The following FNDC3B variants were observed in gnomAD, a reference collection of about 807,000 sequenced individuals.
FNDC3B encodes fibronectin type III domain-containing protein 3B.
FNDC3B carries 12 observed loss-of-function variants against 151.5 expected under a neutral mutation model. The observed-to-expected ratio is 0.08, with a 90% CI of 0.05 to 0.13. The LOEUF (loss-of-function observed/expected upper bound fraction) is 0.13. FNDC3B is among the 10% of genes least tolerant of loss of function. FNDC3B has a pLI of 1.00. For missense variants in FNDC3B, 1,214 were observed against 1,505.3 expected (o/e 0.81, Z 3.20); for synonymous variants, 528 against 549.0 (o/e 0.96, Z 0.54).
At chr3:172,299,110 G>A (rs1225101261) in intron 9 of FNDC3B, among the ~76,000 whole-genome samples, 1 of 152,126 alleles carries the variant, frequency 6.6e-6, no homozygotes, top group Non-Finnish European at 1.5e-5. Flanking sequence ...GTCACCATGG[G>A]CATATCATTG....
chr3:172,257,777 T>C (rs1218084932), intron 6 of FNDC3B, among the ~76,000 whole-genome samples: 1 of 152,172 alleles, frequency 6.6e-6, no homozygotes, highest in Non-Finnish European at 1.5e-5. Flanking sequence ...GTGAGACATG[T>C]ACCCTTATGA....
rs190772359 is a variant in FNDC3B, at chr3:172,369,467, A to T, written c.3008+6622A>T. ...TAATGTCTAAAGTATACCGAAAAAA[A>T]AGTTTTTTTTTGTTTTATTCCTTTA... On this transcript the variant is annotated intron_variant, in intron 23 of 25. Transcript: ENST00000415807. 4.0e-4 allele frequency among the ~76,000 whole-genome samples: 58 copies of T among 145,502 alleles called. 1 individual carries two copies.
intron 23 of FNDC3B, among the ~76,000 whole-genome samples, chr3:172,372,525 AAGTG>A (rs1734931790): frequency 6.6e-6 from 1 of 152,218 alleles, no homozygotes; most frequent in African/African-American, 2.4e-5. Flanking sequence ...GAAAATAACA[AAGTG>A]AGCATTTTAT....
In FNDC3B at chr3:172,201,424, G is replaced by T. The variant is rs4639001; in HGVS notation, c.188-25447G>T. ...TATTAGGGACATGGGATATGCGTGCGTACGTGCGGTGGAGTGGGCCTTTTA... is the reference window on the plus strand; with the variant it reads ...TATTAGGGACATGGGATATGCGTGCTTACGTGCGGTGGAGTGGGCCTTTTA... On this transcript the variant is annotated intron_variant, in intron 3 of 25. Coordinates refer to ENST00000415807, the MANE Select transcript of FNDC3B (RefSeq NM_022763.4). Among the ~76,000 whole-genome samples the T allele has an allele frequency of 2.5e-3, 379 of 152,000 alleles. 1 individual carries two copies. Among genetic ancestry groups the T allele is most frequent in the Admixed American group, 4.2e-3 (64 of 15,284 alleles).
chr3:172,209,886 G>A (rs191805545), intron 3 of FNDC3B, among the ~76,000 whole-genome samples: 94 of 152,376 alleles, frequency 6.2e-4, no homozygotes, highest in African/African-American at 2.1e-3. Flanking sequence ...GGTGCCCAAC[G>A]TCTGGAGGGA....
At chr3:172,276,466 T>G (rs1729438634) in intron 6 of FNDC3B, among the ~76,000 whole-genome samples, 1 of 152,096 alleles carries the variant, frequency 6.6e-6, no homozygotes, top group Non-Finnish European at 1.5e-5. Flanking sequence ...GGAGAACTAA[T>G]AAACATAGAA....
At chr3:172,266,058 T>TTG (rs1728909011) in intron 6 of FNDC3B, among the ~76,000 whole-genome samples, 1 of 152,238 alleles carries the variant, frequency 6.6e-6, no homozygotes, top group African/African-American at 2.4e-5. Context: ...GGTAATACCA[T>TTG]GTGGTGACCT....
chr3:172,062,448 AT>A (rs1484110100), intron 1 of FNDC3B, among the ~76,000 whole-genome samples: 1 of 151,718 alleles, frequency 6.6e-6, no homozygotes, highest in Non-Finnish European at 1.5e-5. Flanking sequence ...AGTAGCTGGG[AT>A]GACAGATGTG....
Position 172,251,368 on chromosome 3 carries a change from T to C in FNDC3B, c.617T>C (p.Leu206Pro). 6.2e-7 allele frequency: 1 copy of C among 1,613,964 alleles called. No individual in the cohort carries two copies. Among genetic ancestry groups the C allele is most frequent in the Non-Finnish European group, 8.5e-7 (1 of 1,179,998 alleles). The change falls in exon 6 of 26, where the codon CTC becomes CCC. Residue 206 changes from leucine to proline, a missense_variant. Leu to Pro is a moderately conservative substitution (Grantham distance 98). Coordinates refer to ENST00000415807, the MANE Select transcript of FNDC3B (RefSeq NM_022763.4). ...CGCCAGATCGATCGCCAGAACCGCC[T>C]CAACAGCCCTCCTTCTTCTATCTAC... ...KDRQIDRQNR[L>P]NSPPSSIYKS...
chr3:172,397,070 A>G, intron 25 of FNDC3B, 94 bp from the exon 26 acceptor site: 1 of 958,642 alleles, frequency 1.0e-6, no homozygotes, highest in South Asian at 1.7e-5. Context: ...GTGAATATAA[A>G]CCAAGAGTGA....
At chr3:172,310,321 AT>A (rs1287485632) in intron 10 of FNDC3B, among the ~76,000 whole-genome samples, 2 of 152,094 alleles carry the variant, frequency 1.3e-5, no homozygotes, top group Non-Finnish European at 1.5e-5. Context: ...AGAGGATCAC[AT>A]TTTTTCCCCA....
chr3:172,305,936 A>T (rs1052870317), intron 9 of FNDC3B, among the ~76,000 whole-genome samples: 3 of 152,232 alleles, frequency 2.0e-5, no homozygotes, highest in East Asian at 1.9e-4. Flanking sequence ...CTTTTCCTTC[A>T]TCAGGGGTTG....
intron 11 of FNDC3B, among the ~76,000 whole-genome samples, chr3:172,324,741 G>A (rs74452425): frequency 6.6e-6 from 1 of 152,196 alleles, no homozygotes; most frequent in East Asian, 1.9e-4. Flanking sequence ...GGTTATATTG[G>A]TTCATGTCCA....
At position 172,350,533 on chromosome 3, in the gene FNDC3B, A is replaced by C. The variant is rs145066314; in HGVS notation, c.2515-2270A>C. Among the ~76,000 whole-genome samples, 75 of 152,346 alleles carry C rather than the reference A, an allele frequency of 4.9e-4. No homozygotes were observed. In the East Asian group the frequency reaches 0.012, roughly 24 times the overall value. ...TTTGTCATGTTAAAATTTTTCCAGA[A>C]AGAGAGTTGAGGTATTGAGGTATTG... On this transcript the variant is annotated intron_variant, in intron 21 of 25. Transcript: ENST00000415807.
rs1207896563 is a variant in FNDC3B at position 172,362,841 on chromosome 3, A to C, written c.3004A>C (p.Lys1002Gln). 1 of 1,612,140 alleles carries C rather than the reference A, an allele frequency of 6.2e-7. No individual in the cohort carries two copies. The highest frequency in any genetic ancestry group is 8.5e-7 in the Non-Finnish European group (1 of 1,178,858). Residue 1002 changes from lysine to glutamine, a missense_variant, in exon 23 of 26, where the codon AAG becomes CAG. By Grantham distance (53) the Lys-to-Gln change is moderately conservative (BLOSUM62 1). Around this residue, in one of 7 missense-constraint regions of FNDC3B, gnomAD observed 284 missense variants for 392.4 expected, o/e 0.72. Coordinates refer to ENST00000415807, the MANE Select transcript of FNDC3B (RefSeq NM_022763.4). ...VYTLQLEDRN[K>Q]RFISIYRGPS... ...CACACTACAGCTGGAGGACAGAAAC[A>C]AGAGGTGAGGTGGGGGTGAGGATGC...
At chr3:172,095,691 T>G (rs1719058325) in intron 1 of FNDC3B, among the ~76,000 whole-genome samples, 1 of 152,192 alleles carries the variant, frequency 6.6e-6, no homozygotes, top group South Asian at 2.1e-4. Flanking sequence ...AAAAAAGTCT[T>G]GGAGCATTGA....
chr3:172,294,250 A>G (rs1260400234), intron 7 of FNDC3B, among the ~76,000 whole-genome samples: 1 of 152,236 alleles, frequency 6.6e-6, no homozygotes, highest in African/African-American at 2.4e-5. Flanking sequence ...AGGGAAGTGT[A>G]TTAGTCTGTT....
chr3:172,214,001 T>C (rs960045517), intron 3 of FNDC3B, among the ~76,000 whole-genome samples: 3 of 30,866 alleles, frequency 9.7e-5, no homozygotes, highest in African/African-American at 4.7e-4. Context: ...TAGAAGCATC[T>C]ATGGTGCCGC....
chr3:172,151,649 A>T (rs1722227443), intron 3 of FNDC3B, among the ~76,000 whole-genome samples: 1 of 152,242 alleles, frequency 6.6e-6, no homozygotes, highest in Non-Finnish European at 1.5e-5. Flanking sequence ...CTAGATTAGT[A>T]GGTGATTTTT....
Sources: allele counts gnomAD v4.1 joint callset (sites outside exome capture counted in the v4.1 genomes callset), GRCh38; gene constraint gnomAD v4.1.1; regional missense constraint gnomAD v4.1.1; transcripts MANE v1.5; gene names NCBI Gene and HGNC (gene_info 2026-07-23, HGNC 2026-07-21).